The following SPICE1 variants were observed in gnomAD, a reference collection of about 807,000 sequenced individuals.
SPICE1 encodes the protein spindle and centriole-associated protein 1.
In SPICE1, 75 loss-of-function variants were observed where a neutral mutation model predicts 102.7. The observed-to-expected ratio is 0.73, with a 90% CI of 0.61 to 0.88. The LOEUF (loss-of-function observed/expected upper bound fraction) is 0.88. Ranked by LOEUF, SPICE1 falls within the 40% of genes least tolerant of loss-of-function variation. SPICE1 has a pLI of 0.00. For missense variants in SPICE1, 979 were observed against 1,020.1 expected (o/e 0.96, Z 0.55); for synonymous variants, 308 against 350.3 (o/e 0.88, Z 1.35).
At chr3:113,447,888 T>G (rs988120475) in intron 16 of SPICE1, 150 bp downstream of exon 16, 4 of 644,766 alleles carry the variant, frequency 6.2e-6, no homozygotes, top group Non-Finnish European at 9.5e-6. Context: ...CCCTCAAAAT[T>G]CTCTTTTCCA....
chr3:113,507,984 C>A (rs894414691), intron 1 of SPICE1, among the ~76,000 whole-genome samples: 1 of 152,076 alleles, frequency 6.6e-6, no homozygotes, highest in Non-Finnish European at 1.5e-5. Flanking sequence ...CAAACCCTTA[C>A]ATTTATGGTC....
At chr3:113,463,885 G>A (rs1041121519) in intron 11 of SPICE1, among the ~76,000 whole-genome samples, 7 of 152,096 alleles carry the variant, frequency 4.6e-5, no homozygotes, top group East Asian at 1.9e-4. Context: ...TGGCTAACAC[G>A]GTGAAACCTC....
chr3:113,502,967 T>C (rs1278540198), intron 3 of SPICE1, among the ~76,000 whole-genome samples: 1 of 152,176 alleles, frequency 6.6e-6, no homozygotes, highest in Non-Finnish European at 1.5e-5. Context: ...AAACCCAACA[T>C]ATTTAATGAA....
intron 6 of SPICE1, 145 bp from the exon 7 acceptor site, chr3:113,489,208 C>T (rs893431007): frequency 8.3e-6 from 5 of 601,648 alleles, no homozygotes; most frequent in Middle Eastern, 4.4e-4. Flanking sequence ...CACATCCTTC[C>T]ACTACTATCA....
chr3:113,472,601 G>A lies in SPICE1; in HGVS notation c.612-3363C>T, dbSNP rs7651868. Among the ~76,000 whole-genome samples the A allele has an allele frequency of 8.2e-3, 1,247 of 152,238 alleles. 20 individuals carry two copies. Among genetic ancestry groups the A allele is most frequent in the African/African-American group, 0.028 (1,182 of 41,552 alleles). ...TCTGAGACAAAAATTCCAGAGGAAC[G>A]ATCAGACAGCAGCATTCGCGGTTCA... On this transcript the variant is annotated intron_variant, in intron 7 of 17. Transcript: ENST00000295872.
intron 7 of SPICE1, among the ~76,000 whole-genome samples, chr3:113,472,246 T>C (rs1158988915): frequency 6.6e-6 from 1 of 152,224 alleles, no homozygotes; most frequent in Non-Finnish European, 1.5e-5. Context: ...CACCCGCCAT[T>C]GCCCAGGCTT....
intron 14 of SPICE1, among the ~76,000 whole-genome samples, chr3:113,451,712 G>T (rs751955639): frequency 3.9e-5 from 6 of 152,116 alleles, no homozygotes; most frequent in Non-Finnish European, 8.8e-5. Flanking sequence ...ACTCAAAATT[G>T]AGGCAGTTGA....
At chr3:113,463,211 T>C (rs1403752882) in intron 11 of SPICE1, among the ~76,000 whole-genome samples, 1 of 152,230 alleles carries the variant, frequency 6.6e-6, no homozygotes, top group African/African-American at 2.4e-5. Flanking sequence ...TTATGTGCTT[T>C]ATTTTTCTTC....
In SPICE1 at chr3:113,450,760, C is replaced by T. The variant is rs182220007; in HGVS notation, c.2143-244G>A. On this transcript the variant is annotated intron_variant, in intron 14 of 17. Transcript: ENST00000295872. ...CCCAGCTAATTTTTTGTATTTTTAGCAGAGACGGGGTTTCACCGTGTTAGC... is the reference window on the plus strand; with the variant it reads ...CCCAGCTAATTTTTTGTATTTTTAGTAGAGACGGGGTTTCACCGTGTTAGC... 1.1e-3 allele frequency among the ~76,000 whole-genome samples: 174 copies of T among 151,974 alleles called. 1 individual carries two copies. The highest frequency in any genetic ancestry group is 3.2e-3 in the African/African-American group (132 of 41,454).
intron 7 of SPICE1, 46 bp from the exon 8 acceptor site, chr3:113,469,284 TTAATA>T (rs768226557): frequency 2.4e-5 from 21 of 867,924 alleles, no homozygotes; most frequent in Non-Finnish European, 2.5e-5. Context: ...ATAATATAAA[TTAATA>T]TAATATAAAT....
intron 7 of SPICE1, among the ~76,000 whole-genome samples, chr3:113,474,410 A>T (rs1215368808): frequency 1.3e-5 from 2 of 152,198 alleles, no homozygotes; most frequent in Admixed American, 6.5e-5. Context: ...ATACCCAGGA[A>T]TTGAACTCAG....
At position 113,488,967 on chromosome 3, in the gene SPICE1, G is replaced by C; in HGVS notation, c.589C>G (p.Gln197Glu). ...TACCTGTCTGTATTCGTGTTAGACTGAGAGTTTAGAGAGTTATCCAACTCA... is the reference window on the plus strand; with the variant it reads ...TACCTGTCTGTATTCGTGTTAGACTCAGAGTTTAGAGAGTTATCCAACTCA... ...ENELDNSLNS[Q>E]SNTNTDRFLQ... Residue 197 changes from glutamine (Q) to glutamate (E), a missense_variant, in exon 7 of 18, where the codon CAG becomes GAG. By Grantham distance (29) the Gln-to-Glu change is conservative. Transcript: ENST00000295872. The C allele has an allele frequency of 1.9e-6, 3 of 1,610,852 alleles. No individual in the cohort carries two copies. Among genetic ancestry groups the C allele is most frequent in the Non-Finnish European group, 2.5e-6 (3 of 1,177,156 alleles).
intron 3 of SPICE1, among the ~76,000 whole-genome samples, chr3:113,501,975 C>T (rs545657842): frequency 6.6e-6 from 1 of 152,286 alleles, no homozygotes; most frequent in South Asian, 2.1e-4. Flanking sequence ...AGCATTATAC[C>T]TAACAATGCA....
chr3:113,481,401 CT>C (rs201685630), intron 7 of SPICE1, among the ~76,000 whole-genome samples: 5,896 of 148,046 alleles, frequency 0.04, 131 homozygotes, highest in East Asian at 0.056. Context: ...GAAAAGTAGA[CT>C]TTTTTTTTTC....
intron 4 of SPICE1, among the ~76,000 whole-genome samples, chr3:113,497,718 T>A (rs1936925400): frequency 6.8e-6 from 1 of 146,966 alleles, no homozygotes; most frequent in South Asian, 2.3e-4. Flanking sequence ...TTTTTTTTTT[T>A]TTTTTTTTTT....
At chr3:113,477,164 G>A (rs1469291001) in intron 7 of SPICE1, among the ~76,000 whole-genome samples, 1 of 152,054 alleles carries the variant, frequency 6.6e-6, no homozygotes, top group East Asian at 1.9e-4. Context: ...CATTTATGCA[G>A]CCAAAAAAAC....
intron 4 of SPICE1, among the ~76,000 whole-genome samples, chr3:113,495,310 A>G (rs555593209): frequency 3.5e-4 from 53 of 152,364 alleles, no homozygotes; most frequent in African/African-American, 1.2e-3. Flanking sequence ...TCTTACCAGA[A>G]TTTCTCTATA....
In SPICE1 at chr3:113,453,701, T is replaced by G. The variant is rs145510382; in HGVS notation, c.1907A>C (p.Gln636Pro). The change falls in exon 14 of 18, where the codon CAA (glutamine) becomes CCA (proline). Residue 636 changes from glutamine to proline, a missense_variant. Transcript: ENST00000295872. ...QPLCNSHSNTQQSRSPTFSEE... is the reference protein window; with the variant it reads ...QPLCNSHSNTPQSRSPTFSEE... Reference sequence around the variant, plus strand: ...TGAGAATGTGGGGCTTCTTGACTGTTGAGTGTTGGAATGGGAATTGCAGAG... The same window carrying G: ...TGAGAATGTGGGGCTTCTTGACTGTGGAGTGTTGGAATGGGAATTGCAGAG... 5,060 of 1,614,090 alleles carry G rather than the reference T, an allele frequency of 3.1e-3. 21 individuals are homozygous for G. The highest frequency in any genetic ancestry group is 8.7e-3 in the Middle Eastern group (53 of 6,062).
chr3:113,462,305 TA>T (rs1426279924), intron 11 of SPICE1, among the ~76,000 whole-genome samples: 1 of 152,226 alleles, frequency 6.6e-6, no homozygotes, highest in Non-Finnish European at 1.5e-5. Flanking sequence ...CTCAGGGCAC[TA>T]AAGTGAACTT....
Sources: gnomAD v4.1 joint callset for allele counts (sites outside exome capture counted in the v4.1 genomes callset) on GRCh38, gnomAD v4.1.1 for gene constraint, MANE v1.5 for transcripts, NCBI Gene and HGNC (gene_info 2026-07-23, HGNC 2026-07-21) for gene names.